Variants in FBXL7 observed in about 807,000 individuals in gnomAD.
FBXL7 encodes F-box/LRR-repeat protein 7.
A neutral mutation model predicts 38.3 loss-of-function variants in FBXL7; 12 were observed. That is an observed-to-expected ratio of 0.31 (90% CI 0.20 to 0.51). The LOEUF is 0.51. Among genes scored for constraint, FBXL7 ranks in the 20% least tolerant of loss-of-function variants. The probability of loss-of-function intolerance (pLI) is 0.98; values close to 1 mark genes in which losing one functional copy is unlikely to be tolerated. For missense variants in FBXL7, 567 were observed against 676.4 expected, an observed-to-expected ratio of 0.84 and a Z score of 1.79; for synonymous variants, 297 against 300.9, an observed-to-expected ratio of 0.99 and a Z score of 0.13.
At chr5:15,893,977 G>T (rs995340051) in intron 2 of FBXL7, among the ~76,000 whole-genome samples, 3 of 152,228 alleles carry the variant, frequency 2.0e-5, no homozygotes, top group African/African-American at 7.2e-5. Context: ...TTAGCCCCAG[G>T]CTGGCAGCCT....
intron 2 of FBXL7, among the ~76,000 whole-genome samples, chr5:15,619,141 A>C (rs1740544014): frequency 6.6e-6 from 1 of 152,026 alleles, no homozygotes; most frequent in Non-Finnish European, 1.5e-5. Context: ...GTGTTTAGGG[A>C]GTTGTACGCA....
In FBXL7 at chr5:15,802,534, A is replaced by G. The variant is rs574595133; in HGVS notation, c.128-125356A>G. ...TGGCACTGGCTCTTTTTTCTTGAAC[A>G]CTTTTTCTCCTCACTTGGCTGTCTC... On this transcript the variant is annotated intron_variant, in intron 2 of 3. Coordinates refer to ENST00000504595, the MANE Select transcript of FBXL7 (RefSeq NM_012304.5). Among the ~76,000 whole-genome samples, 24 of 151,982 alleles carry G rather than the reference A, an allele frequency of 1.6e-4. 1 individual carries two copies. In the South Asian group the frequency reaches 2.3e-3, roughly 14 times the overall value.
chr5:15,717,948 CTCTA>C (rs1008361039), intron 2 of FBXL7, among the ~76,000 whole-genome samples: 9 of 72,096 alleles, frequency 1.2e-4, no homozygotes, highest in African/African-American at 3.0e-4. Context: ...TAAACATGGA[CTCTA>C]TCTATGTTAA....
chr5:15,731,446 G>A (rs922912210), intron 2 of FBXL7, among the ~76,000 whole-genome samples: 11 of 152,140 alleles, frequency 7.2e-5, no homozygotes, highest in South Asian at 4.1e-4. Flanking sequence ...GGGAAAGACC[G>A]CCCCCCATGA....
At chr5:15,529,250 G>A (rs1055248441) in intron 1 of FBXL7, among the ~76,000 whole-genome samples, 1 of 152,200 alleles carries the variant, frequency 6.6e-6, no homozygotes, top group African/African-American at 2.4e-5. Context: ...TGACAGGATT[G>A]CATTCTTTTG....
At chr5:15,870,936 T>C (rs1023852051) in intron 2 of FBXL7, among the ~76,000 whole-genome samples, 8 of 152,210 alleles carry the variant, frequency 5.3e-5, no homozygotes, top group African/African-American at 1.4e-4. Flanking sequence ...GCAGCAGATC[T>C]CCCAGCACAG....
intron 2 of FBXL7, among the ~76,000 whole-genome samples, chr5:15,851,365 A>T (rs1739088816): frequency 6.6e-6 from 1 of 152,132 alleles, no homozygotes; most frequent in Non-Finnish European, 1.5e-5. Flanking sequence ...CTCATACAAT[A>T]GCATGTGCCT....
At chr5:15,513,322 A>T (rs989338163) in intron 1 of FBXL7, among the ~76,000 whole-genome samples, 1 of 152,198 alleles carries the variant, frequency 6.6e-6, no homozygotes, top group African/African-American at 2.4e-5. Flanking sequence ...TAAGAAGTAC[A>T]ATTAAAATGA....
chr5:15,903,558 GT>G (rs983488974), intron 2 of FBXL7, among the ~76,000 whole-genome samples: 2 of 151,854 alleles, frequency 1.3e-5, no homozygotes, highest in Non-Finnish European at 2.9e-5. Context: ...TTTTAATAGA[GT>G]TTTTTTTGGA....
intron 2 of FBXL7, among the ~76,000 whole-genome samples, chr5:15,634,978 C>T (rs7720476): frequency 0.26 from 39,789 of 151,984 alleles, 5,403 homozygotes; most frequent in Middle Eastern, 0.29. Flanking sequence ...TGCAAGTTCC[C>T]TTACCACATA....
chr5:15,623,434 T>C (rs1406728216), intron 2 of FBXL7, among the ~76,000 whole-genome samples: 2 of 152,224 alleles, frequency 1.3e-5, no homozygotes. Context: ...CTTGTGAAAT[T>C]ATTTGATTTC....
chr5:15,503,393 C>T (rs1736554760), intron 1 of FBXL7, among the ~76,000 whole-genome samples: 1 of 152,190 alleles, frequency 6.6e-6, no homozygotes, highest in Non-Finnish European at 1.5e-5. Flanking sequence ...TGCACTCTAG[C>T]CTGGGCAACA....
At chr5:15,696,113 C>T (rs1327237330) in intron 2 of FBXL7, among the ~76,000 whole-genome samples, 3 of 152,166 alleles carry the variant, frequency 2.0e-5, no homozygotes, top group African/African-American at 4.8e-5. Flanking sequence ...CTGCTGAATA[C>T]ATCTGGCCGA....
At chr5:15,656,239 G>A (rs1475356250) in intron 2 of FBXL7, among the ~76,000 whole-genome samples, 1 of 152,202 alleles carries the variant, frequency 6.6e-6, no homozygotes, top group Non-Finnish European at 1.5e-5. Flanking sequence ...TTGTGAAGTT[G>A]TGAATGCATG....
At chr5:15,876,858 G>C (rs1404618037) in intron 2 of FBXL7, among the ~76,000 whole-genome samples, 1 of 152,184 alleles carries the variant, frequency 6.6e-6, no homozygotes, top group Non-Finnish European at 1.5e-5. Context: ...AAATTTATCA[G>C]TGTGAGGCAC....
rs116578397 is a variant in FBXL7 at position 15,606,519 on chromosome 5, C to A, written c.38-9464C>A. 1.8e-3 allele frequency among the ~76,000 whole-genome samples: 272 copies of A among 152,244 alleles called. 1 individual carries two copies. The highest frequency in any genetic ancestry group is 6.4e-3 in the African/African-American group (264 of 41,510). Reference sequence around the variant, plus strand: ...GTATCTTGCTCAGTGGCCCTGAGGCCGCTTATTAGATGGTTTGGTGTAAAG... The same window carrying A: ...GTATCTTGCTCAGTGGCCCTGAGGCAGCTTATTAGATGGTTTGGTGTAAAG... On this transcript the variant is annotated intron_variant, in intron 1 of 3. Transcript: ENST00000504595.
intron 1 of FBXL7, among the ~76,000 whole-genome samples, chr5:15,551,529 C>G (rs1436374985): frequency 1.3e-5 from 2 of 152,202 alleles, no homozygotes; most frequent in African/African-American, 4.8e-5. Flanking sequence ...AAGAGGAAAC[C>G]AGTCCCTGGC....
intron 1 of FBXL7, among the ~76,000 whole-genome samples, chr5:15,581,967 G>A (rs1264896001): frequency 3.9e-5 from 6 of 152,032 alleles, no homozygotes; most frequent in Admixed American, 3.3e-4. Context: ...AAACAGGATC[G>A]CATTCTGTGT....
chr5:15,917,774 CTT>C (rs11366996), intron 2 of FBXL7, among the ~76,000 whole-genome samples: 3,257 of 138,096 alleles, frequency 0.024, 58 homozygotes, highest in East Asian at 0.081. Context: ...AGGCTTATGC[CTT>C]TTTTTTTTTT....
Sources: allele counts gnomAD v4.1 joint callset (sites outside exome capture counted in the v4.1 genomes callset), GRCh38; gene constraint gnomAD v4.1.1; transcripts MANE v1.5; gene names NCBI Gene and HGNC (gene_info 2026-07-23, HGNC 2026-07-21).